The following GSE1 variants were observed in gnomAD, a reference collection of about 807,000 sequenced individuals.
The protein encoded by GSE1 is genetic suppressor element 1.
Under a neutral mutation model 112.6 loss-of-function variants are expected in GSE1, and 32 were observed. The observed-to-expected ratio is 0.28, with a 90% CI of 0.21 to 0.38. The LOEUF is 0.38. Ranked by LOEUF, GSE1 falls within the 10% of genes least tolerant of loss-of-function variation. The pLI, the probability that GSE1 is intolerant of heterozygous loss-of-function variation, is 1.00. For missense variants in GSE1, 2,348 were observed against 1,699.2 expected (o/e 1.38, Z -6.71); for synonymous variants, 1,115 against 735.6 (o/e 1.52, Z -8.35).
At chr16:85,312,704 G>C (rs2151484918) in intron 1 of GSE1, among the ~76,000 whole-genome samples, 1 of 152,136 alleles carries the variant, frequency 6.6e-6, no homozygotes, top group Middle Eastern at 3.4e-3. Context: ...GGAGGAGGGA[G>C]AGGAGGAGAA....
intron 1 of GSE1, among the ~76,000 whole-genome samples, chr16:85,584,182 C>CCTT (rs5818545): frequency 0.49 from 73,814 of 151,752 alleles, 21,012 homozygotes; most frequent in African/African-American, 0.8. Context: ...TGTTTGGAGA[C>CCTT]CTTCCTCCCC....
intron 1 of GSE1, among the ~76,000 whole-genome samples, chr16:85,215,416 G>T (rs867862007): frequency 1.5e-4 from 23 of 152,144 alleles, no homozygotes; most frequent in African/African-American, 4.1e-4. Flanking sequence ...GAAGGGTTGT[G>T]GGGGGGCCAG....
At chr16:85,408,108 C>A (rs1281163497) in intron 2 of GSE1, among the ~76,000 whole-genome samples, 1 of 48,380 alleles carries the variant, frequency 2.1e-5, no homozygotes, top group Non-Finnish European at 4.3e-5. Flanking sequence ...CCTGGATAAT[C>A]CTCACTGTTA....
At chr16:85,545,851 C>T (rs1722238144) in intron 2 of GSE1, among the ~76,000 whole-genome samples, 2 of 152,128 alleles carry the variant, frequency 1.3e-5, no homozygotes, top group South Asian at 2.1e-4. Context: ...GGCGTGATCT[C>T]GGCTCACTGC....
At chr16:85,458,199 G>A (rs1466864632) in intron 2 of GSE1, among the ~76,000 whole-genome samples, 10 of 152,208 alleles carry the variant, frequency 6.6e-5, no homozygotes. Context: ...ACCCCCTGCA[G>A]CTCTGGGGAC....
upstream of GSE1, among the ~76,000 whole-genome samples, chr16:85,612,740 C>T (rs914351747): frequency 1.3e-5 from 2 of 152,082 alleles, no homozygotes; most frequent in African/African-American, 2.4e-5. Flanking sequence ...TTTTGTGTCG[C>T]CTCCCCCCAC....
At chr16:85,259,947 A>G (rs186422737) in intron 1 of GSE1, among the ~76,000 whole-genome samples, 259 of 152,338 alleles carry the variant, frequency 1.7e-3, no homozygotes, top group African/African-American at 5.9e-3. Flanking sequence ...ACTCAAGCAC[A>G]CAGAGGCGGG....
At chr16:85,413,634 C>G (rs376292923) in intron 2 of GSE1, among the ~76,000 whole-genome samples, 3 of 152,154 alleles carry the variant, frequency 2.0e-5, no homozygotes, top group Non-Finnish European at 4.4e-5. Context: ...TACCACTGGC[C>G]TAGCAGACTG....
chr16:85,470,430 C>T (rs1177648045), intron 2 of GSE1, among the ~76,000 whole-genome samples: 3 of 146,216 alleles, frequency 2.1e-5, no homozygotes, highest in Non-Finnish European at 4.5e-5. Context: ...AGCTGGGATC[C>T]GTGTCTCTTT....
intron 1 of GSE1, among the ~76,000 whole-genome samples, chr16:85,630,577 A>T (rs1289762682): frequency 1.3e-5 from 2 of 152,102 alleles, no homozygotes; most frequent in African/African-American, 2.4e-5. Context: ...TCACCCTCCT[A>T]CTTACCTGGG....
chr16:85,394,120 G>T (rs987318199), intron 2 of GSE1, among the ~76,000 whole-genome samples: 1 of 152,056 alleles, frequency 6.6e-6, no homozygotes. Flanking sequence ...GAACATTCGG[G>T]CTGTCGGGGA....
At chr16:85,478,466 G>A (rs1335730241) in intron 2 of GSE1, among the ~76,000 whole-genome samples, 1 of 150,802 alleles carries the variant, frequency 6.6e-6, no homozygotes, top group Non-Finnish European at 1.5e-5. Context: ...GGCAGAGGTT[G>A]CAGTGAGCTG....
At chr16:85,370,743 C>T (rs938971822) in intron 2 of GSE1, among the ~76,000 whole-genome samples, 1 of 152,220 alleles carries the variant, frequency 6.6e-6, no homozygotes, top group African/African-American at 2.4e-5. Flanking sequence ...GAGTGAGAAC[C>T]CAGTGTGTGC....
At chr16:85,524,078 C>T (rs887824814) in intron 2 of GSE1, among the ~76,000 whole-genome samples, 3 of 152,176 alleles carry the variant, frequency 2.0e-5, no homozygotes, top group Non-Finnish European at 2.9e-5. Flanking sequence ...GCCAGGAGCC[C>T]CTCATCCCTC....
intron 2 of GSE1, among the ~76,000 whole-genome samples, chr16:85,374,024 A>G (rs893014299): frequency 2.0e-5 from 3 of 152,180 alleles, no homozygotes; most frequent in African/African-American, 7.2e-5. Flanking sequence ...GTTCACATGA[A>G]TCTGTGTACC....
intron 2 of GSE1, among the ~76,000 whole-genome samples, chr16:85,498,281 G>A (rs945838224): frequency 5.3e-5 from 8 of 152,112 alleles, no homozygotes; most frequent in African/African-American, 1.9e-4. Flanking sequence ...CAACACACAT[G>A]CATAGATGGC....
At chr16:85,671,164 A>G (rs949759193) in intron 15 of GSE1, 66 bp downstream of exon 15, 17 of 921,064 alleles carry the variant, frequency 1.8e-5, no homozygotes, top group Admixed American at 3.8e-5. Flanking sequence ...AGAAACACCC[A>G]TGCAGATAAG....
At chr16:85,572,756 G>A (rs984159227) in intron 1 of GSE1, among the ~76,000 whole-genome samples, 1 of 152,216 alleles carries the variant, frequency 6.6e-6, no homozygotes, top group Admixed American at 6.5e-5. Context: ...ATCCGGGAAA[G>A]GGGAGCCAAG....
chr16:85,202,757 G>T (rs919376057), intron 1 of GSE1, among the ~76,000 whole-genome samples: 1 of 152,214 alleles, frequency 6.6e-6, no homozygotes, highest in Non-Finnish European at 1.5e-5. Context: ...GTCTGTTCTC[G>T]CCTGGAGCCC....
Sources: gnomAD v4.1 joint callset for allele counts (sites outside exome capture counted in the v4.1 genomes callset) on GRCh38, gnomAD v4.1.1 for gene constraint, MANE v1.5 for transcripts, NCBI Gene and HGNC (gene_info 2026-07-23, HGNC 2026-07-21) for gene names.